Variants in USP7 observed in about 807,000 individuals in gnomAD.
USP7 encodes ubiquitin specific peptidase 7.
Under a neutral mutation model 162.9 loss-of-function variants are expected in USP7, and 9 were observed. The ratio of observed to expected loss-of-function variants is 0.06; its 90% CI spans 0.03 to 0.10. The LOEUF (loss-of-function observed/expected upper bound fraction) is 0.10. Among genes scored for constraint, USP7 ranks in the 10% least tolerant of loss-of-function variants. The probability of loss-of-function intolerance (pLI) is 1.00; values close to 1 mark genes in which losing one functional copy is unlikely to be tolerated. For synonymous variants in USP7, 562 were observed against 475.9 expected (o/e 1.18, Z -2.35); for missense variants, 715 against 1,373.7 (o/e 0.52, Z 7.58).
rs1406607382 is a variant in USP7 at position 8,923,137 on chromosome 16, T to C, written c.383+78A>G. The C allele has an allele frequency of 2.1e-5, 15 of 727,008 alleles. No individual in the cohort carries two copies. In the Middle Eastern group the frequency reaches 1.3e-3, roughly 62 times the overall value. The allele number at this position is 727,008 out of a possible 1,614,324, so 45.0% of individuals were successfully genotyped here. ...TCTAATTTAAAATCAAAAGGCTATG[T>C]AGAGGCAGCAAATAACTTAAGATAA... On this transcript the variant is annotated intron_variant, in intron 3 of 30. Transcript: ENST00000344836.
intron 1 of USP7, among the ~76,000 whole-genome samples, chr16:8,954,765 G>A (rs55950454): frequency 0.034 from 5,138 of 152,022 alleles, 143 homozygotes; most frequent in Non-Finnish European, 0.057. Context: ...TCAGGAGATC[G>A]AGACCATCCA....
intron 7 of USP7, 85 bp from the exon 8 acceptor site, chr16:8,916,641 C>G: frequency 7.7e-7 from 1 of 1,296,764 alleles, no homozygotes. Context: ...AAAACCTAAA[C>G]TGGATAATCA....
chr16:8,963,654 G>A lies in USP7; in HGVS notation c.-369C>T, dbSNP rs1354479301. ...GGCCGCGGGCCGGCCGGGGGCGGAG[G>A]GCGGCCGGTCGGGGGCCGCGGAGTC... is the stretch of plus-strand genomic sequence containing the variant. On this transcript the variant is annotated 5_prime_UTR_variant, in exon 1 of 31. Coordinates refer to ENST00000344836, the MANE Select transcript of USP7 (RefSeq NM_003470.3). 9.7e-5 allele frequency among the ~76,000 whole-genome samples: 14 copies of A among 143,616 alleles called. No individual in the cohort carries two copies. Among genetic ancestry groups the A allele is most frequent in the Non-Finnish European group, 1.5e-5 (1 of 64,858 alleles). 94.2% of individuals were successfully genotyped at this position (143,616 alleles called of 152,430 possible). A position where few individuals can be genotyped will look rare whatever the true frequency, so the allele number is the denominator to read the frequency against.
At chr16:8,912,640 C>G (rs1473823810) in intron 10 of USP7, among the ~76,000 whole-genome samples, 1 of 150,998 alleles carries the variant, frequency 6.6e-6, no homozygotes, top group African/African-American at 2.4e-5. Context: ...CAAAAGCATA[C>G]TAAGAAGAGA....
chr16:8,936,468 C>G (rs540236354), intron 1 of USP7: 3 of 1,078,498 alleles, frequency 2.8e-6, no homozygotes, highest in Non-Finnish European at 3.7e-6. Context: ...TTTACTGATA[C>G]AATGTCTAGA....
chr16:8,947,686 A>G (rs192203016), intron 1 of USP7, among the ~76,000 whole-genome samples: 1 of 152,302 alleles, frequency 6.6e-6, no homozygotes, highest in African/African-American at 2.4e-5. Flanking sequence ...TATATGGTAA[A>G]TAACAGTAGC....
intron 1 of USP7, among the ~76,000 whole-genome samples, chr16:8,937,221 A>C (rs899467126): frequency 6.6e-5 from 10 of 152,078 alleles, no homozygotes; most frequent in African/African-American, 2.4e-4. Flanking sequence ...TTTAAAAAAA[A>C]AAGGATTAAC....
intron 22 of USP7, 157 bp from the exon 23 acceptor site, chr16:8,899,345 C>A: frequency 1.3e-6 from 1 of 782,346 alleles, no homozygotes; most frequent in Non-Finnish European, 2.0e-6. Flanking sequence ...CTTAATGAAT[C>A]ACCATGGGAG....
At chr16:8,949,997 TC>T (rs1899476761) in intron 1 of USP7, among the ~76,000 whole-genome samples, 1 of 152,206 alleles carries the variant, frequency 6.6e-6, no homozygotes, top group Admixed American at 6.5e-5. Context: ...AGCAGTGCTG[TC>T]CCACCAACCA....
Position 8,900,516 on chromosome 16 carries a change from C to T in USP7, c.2309+14G>A. On this transcript the variant is annotated intron_variant, in intron 21 of 30. Transcript: ENST00000344836. ...ATTAGTACAAAGTGATACAATCCTTCACAAAGTACATACTTCTGAAATACT... is the reference window on the plus strand; with the variant it reads ...ATTAGTACAAAGTGATACAATCCTTTACAAAGTACATACTTCTGAAATACT... 2.6e-6 allele frequency: 4 copies of T among 1,567,340 alleles called. No homozygotes were observed. The highest frequency in any genetic ancestry group is 3.5e-6 in the Non-Finnish European group (4 of 1,154,822).
At chr16:8,909,960 T>G (rs538551483) in intron 11 of USP7, among the ~76,000 whole-genome samples, 52 of 152,184 alleles carry the variant, frequency 3.4e-4, no homozygotes, top group African/African-American at 1.2e-3. Context: ...TATACCTCAG[T>G]CCCTCAGTCC....
In USP7 at chr16:8,898,363, T is replaced by C. The variant is rs1232170966; in HGVS notation, c.2715A>G (p.Glu905=). 5.6e-6 allele frequency: 9 copies of C among 1,605,330 alleles called. No individual in the cohort carries two copies. Among genetic ancestry groups the C allele is most frequent in the Non-Finnish European group, 6.8e-6 (8 of 1,177,602 alleles). Residue 905 remains glutamate (E), a synonymous_variant, in exon 25 of 31, where the codon GAA becomes GAG. Coordinates refer to ENST00000344836, the MANE Select transcript of USP7 (RefSeq NM_003470.3). The stretch of plus-strand genomic sequence containing the variant: ...TCATAGTATTAAAAAAACTTACCTC[T>C]TCCCTAAATTGGCTGTTTAACCATA... ...KCIWLNSQFR[E]EEITLYPDKH... is the part of the protein sequence containing the mutation.
At chr16:8,936,308 C>A (rs1898719735) in intron 1 of USP7, among the ~76,000 whole-genome samples, 1 of 152,096 alleles carries the variant, frequency 6.6e-6, no homozygotes. Flanking sequence ...TCTCACCCCG[C>A]CCCCATCAGT....
Position 8,930,414 on chromosome 16 carries a change from G to C in USP7, c.80-17C>G, listed in dbSNP as rs1898251690. On this transcript the variant is annotated splice_polypyrimidine_tract_variant and intron_variant, in intron 1 of 30. Transcript: ENST00000344836. ...TATCTCCCGCTTTAAAGAAGAAAAA[G>C]AAATTCCACGGGTTTTACATTCATG... 6.3e-7 allele frequency: 1 copy of C among 1,583,352 alleles called. No individual in the cohort carries two copies. Among genetic ancestry groups the C allele is most frequent in the South Asian group, 1.1e-5 (1 of 88,040 alleles).
chr16:8,915,727 G>C (rs1172643151), intron 8 of USP7, among the ~76,000 whole-genome samples: 1 of 152,140 alleles, frequency 6.6e-6, no homozygotes, highest in Non-Finnish European at 1.5e-5. Context: ...CAACAGTTGA[G>C]GTTAACCTTT....
At chr16:8,940,337 C>T (rs370658575) in intron 1 of USP7, among the ~76,000 whole-genome samples, 7 of 152,180 alleles carry the variant, frequency 4.6e-5, no homozygotes, top group South Asian at 4.1e-4. Context: ...ACCAGAACAC[C>T]GCCAAATGCT....
chr16:8,923,473 TAA>T, intron 2 of USP7, 60 bp from the exon 3 acceptor site: 2 of 1,563,844 alleles, frequency 1.3e-6, no homozygotes, highest in Non-Finnish European at 1.7e-6. Context: ...GCACTAGCAT[TAA>T]TCGACATGGA....
chr16:8,900,687 C>G (rs2061760303), intron 20 of USP7, 57 bp from the exon 21 acceptor site: 1 of 1,273,846 alleles, frequency 7.9e-7, no homozygotes, highest in South Asian at 1.3e-5. Flanking sequence ...TTTAATATGG[C>G]CAGATAGTCT....
At chr16:8,914,046 A>G (rs1020484379) in intron 10 of USP7, among the ~76,000 whole-genome samples, 3 of 152,006 alleles carry the variant, frequency 2.0e-5, no homozygotes, top group Non-Finnish European at 4.4e-5. Context: ...CCTCCCCCTT[A>G]TTTTAAATAT....
Sources: allele counts gnomAD v4.1 joint callset (sites outside exome capture counted in the v4.1 genomes callset), GRCh38; gene constraint gnomAD v4.1.1; transcripts MANE v1.5; gene names NCBI Gene and HGNC (gene_info 2026-07-23, HGNC 2026-07-21).